SRL: variants seen among roughly 807,000 people sequenced by gnomAD.
SRL encodes the protein sarcalumenin.
Under a neutral mutation model 39.5 loss-of-function variants are expected in SRL, and 23 were observed. The ratio of observed to expected loss-of-function variants is 0.58; its 90% CI spans 0.42 to 0.82. SRL has a LOEUF of 0.82. Ranked by LOEUF, SRL falls within the 40% of genes least tolerant of loss-of-function variation. The pLI, the probability that SRL is intolerant of heterozygous loss-of-function variation, is 0.00. For missense variants in SRL, 592 were observed against 607.8 expected, an observed-to-expected ratio of 0.97 and a Z score of 0.27; for synonymous variants, 272 against 237.4, an observed-to-expected ratio of 1.15 and a Z score of -1.34.
chr16:4,227,097 G>A (rs2052601177), intron 1 of SRL, among the ~76,000 whole-genome samples: 1 of 149,046 alleles, frequency 6.7e-6, no homozygotes, highest in Non-Finnish European at 1.5e-5. Flanking sequence ...ACAGATGGAT[G>A]GATGGATAAA....
chr16:4,209,284 G>GA (rs2052363874), intron 1 of SRL, among the ~76,000 whole-genome samples: 1 of 151,284 alleles, frequency 6.6e-6, no homozygotes, highest in Admixed American at 6.6e-5. Flanking sequence ...AAAAAAAAAA[G>GA]AAAAAAGAAA....
intron 5 of SRL, among the ~76,000 whole-genome samples, chr16:4,194,237 A>G (rs940434378): frequency 1.3e-5 from 2 of 152,186 alleles, no homozygotes; most frequent in Non-Finnish European, 2.9e-5. Flanking sequence ...CTGTTGCACA[A>G]CCATCATGGC....
chr16:4,197,864 A>G lies in SRL; in HGVS notation c.311T>C (p.Val104Ala). The G allele has an allele frequency of 1.2e-6, 2 of 1,614,190 alleles. No homozygotes were observed. The highest frequency in any genetic ancestry group is 1.7e-6 in the Non-Finnish European group (2 of 1,180,008). ...PMVLFLGPWS[V>A]GKSTMINYLL... is the part of the protein sequence containing the mutation. ...GTAGTTTATCATGGTAGATTTACCAACACTCCACGGTCCCAGGAACAGTAC... is the reference window on the plus strand; with the variant it reads ...GTAGTTTATCATGGTAGATTTACCAGCACTCCACGGTCCCAGGAACAGTAC... The change falls in exon 4 of 6, where the codon GTT becomes GCT. Residue 104 changes from valine to alanine, a missense_variant. Transcript: ENST00000399609.
At position 4,211,786 on chromosome 16, in the gene SRL, G is replaced by A. The variant is rs1265031588; in HGVS notation, c.62-7152C>T. ...TGATGATGATGGTGGTGACTATGCTGATGATGAGGATCGTGATGATGATGA... is the reference window on the plus strand; with the variant it reads ...TGATGATGATGGTGGTGACTATGCTAATGATGAGGATCGTGATGATGATGA... On this transcript the variant is annotated intron_variant, in intron 1 of 5. Transcript: ENST00000399609. Among the ~76,000 whole-genome samples, 119 of 151,344 alleles carry A rather than the reference G, an allele frequency of 7.9e-4. 2 individuals are homozygous for A. Among genetic ancestry groups the A allele is most frequent in the Middle Eastern group, 6.8e-3 (2 of 294 alleles).
chr16:4,225,634 C>G (rs1361482528), intron 1 of SRL, among the ~76,000 whole-genome samples: 2 of 152,086 alleles, frequency 1.3e-5, no homozygotes, highest in African/African-American at 4.8e-5. Context: ...AGTTGTTTAC[C>G]TTTAAAATAT....
chr16:4,200,073 C>T (rs1047115030), intron 3 of SRL, among the ~76,000 whole-genome samples: 2 of 152,186 alleles, frequency 1.3e-5, no homozygotes, highest in Non-Finnish European at 1.5e-5. Context: ...CTTCCTTCTC[C>T]GAGGCTAAAG....
rs561987718 is a variant in SRL at position 4,195,888 on chromosome 16, A to G, written c.377-102T>C. 2.8e-4 allele frequency: 261 copies of G among 943,688 alleles called. 1 individual carries two copies. The highest frequency in any genetic ancestry group is 1.9e-3 in the South Asian group (120 of 61,586). 58.5% of individuals were successfully genotyped at this position (943,688 alleles called of 1,614,324 possible). A position where few individuals can be genotyped will look rare whatever the true frequency, so the allele number is the denominator to read the frequency against. On this transcript the variant is annotated intron_variant, in intron 4 of 5. Coordinates refer to ENST00000399609, the MANE Select transcript of SRL (RefSeq NM_001098814.2). ...CTGGTGTCACAGGGAGACTTTTGCA[A>G]CAGAATTGGATATGTTTGCCAAGCT...
chr16:4,192,608 C>T lies in SRL; in HGVS notation c.967G>A (p.Glu323Lys), dbSNP rs373144625. The T allele has an allele frequency of 2.5e-5, 41 of 1,614,144 alleles. No homozygotes were observed. The African/African-American group carries it at 3.5e-4, about 14-fold the overall frequency. ...GCAATCTTGTTCTCCAGTCTGTTCTCGATCACCTGATTCAGGTCTTCTAGG... is the reference window on the plus strand; with the variant it reads ...GCAATCTTGTTCTCCAGTCTGTTCTTGATCACCTGATTCAGGTCTTCTAGG... ...SLLEDLNQVI[E>K]NRLENKIAFI... The change falls in exon 6 of 6, where the codon GAG becomes AAG. Residue 323 changes from glutamate (E) to lysine (K), a missense_variant. Physicochemically the swap from Glu to Lys is moderately conservative, Grantham distance 56. Coordinates refer to ENST00000399609, the MANE Select transcript of SRL (RefSeq NM_001098814.2). This position sits in a 1 kb window ranked among gnomAD's most constrained non-coding sequence, Gnocchi z 4.0.
At chr16:4,218,956 C>T (rs375170495) in intron 1 of SRL, among the ~76,000 whole-genome samples, 1 of 152,272 alleles carries the variant, frequency 6.6e-6, no homozygotes, top group African/African-American at 2.4e-5. Context: ...GATTTTTCAA[C>T]CTTCTTTCCC....
At chr16:4,196,525 AGGCTGGAGTGCAGT>A (rs553711909) in intron 4 of SRL, among the ~76,000 whole-genome samples, 88 of 131,142 alleles carry the variant, frequency 6.7e-4, no homozygotes, top group African/African-American at 2.5e-3. Flanking sequence ...TCTATCGCCC[AGGCTGGAGTGCAGT>A]GGCATGATCT....
At position 4,192,111 on chromosome 16, in the gene SRL, C is replaced by A. The variant is rs765610400; in HGVS notation, c.*42G>T. 13 of 1,518,960 alleles carry A rather than the reference C, an allele frequency of 8.6e-6. No homozygotes were observed. Among genetic ancestry groups the A allele is most frequent in the Non-Finnish European group, 1.1e-5 (13 of 1,134,510 alleles). 94.1% of individuals were successfully genotyped at this position (1,518,960 alleles called of 1,614,324 possible). A position where few individuals can be genotyped will look rare whatever the true frequency, so the allele number is the denominator to read the frequency against. Reference sequence around the variant, plus strand: ...CAGGACCTCTCAGACAGTTAGGACACAAGCTGATTCACCAACAGGAACCCA... The same window carrying A: ...CAGGACCTCTCAGACAGTTAGGACAAAAGCTGATTCACCAACAGGAACCCA... On this transcript the variant is annotated 3_prime_UTR_variant, in exon 6 of 6. Coordinates refer to ENST00000399609, the MANE Select transcript of SRL (RefSeq NM_001098814.2). The surrounding 1 kb of genome is among the most constrained non-coding windows in gnomAD (Gnocchi z 4.0).
At chr16:4,238,716 A>T (rs970979864) in intron 1 of SRL, among the ~76,000 whole-genome samples, 1 of 150,096 alleles carries the variant, frequency 6.7e-6, no homozygotes, top group African/African-American at 2.5e-5. Context: ...CTGACCACCC[A>T]GGTTCATGTG....
At chr16:4,230,525 C>T (rs550646450) in intron 1 of SRL, among the ~76,000 whole-genome samples, 27 of 151,788 alleles carry the variant, frequency 1.8e-4, no homozygotes, top group African/African-American at 5.8e-4. Context: ...GGATTACAGG[C>T]GGGCACCACT....
intron 1 of SRL, among the ~76,000 whole-genome samples, chr16:4,240,065 C>CTGCAG: frequency 6.6e-6 from 1 of 152,316 alleles, no homozygotes; most frequent in South Asian, 2.1e-4. Context: ...CCCACCACCC[C>CTGCAG]AGCCAGAGCT....
At chr16:4,223,229 C>T (rs1353990186) in intron 1 of SRL, among the ~76,000 whole-genome samples, 2 of 87,044 alleles carry the variant, frequency 2.3e-5, no homozygotes, top group African/African-American at 1.5e-4. Flanking sequence ...AAAACTCTGT[C>T]TCAAAAAAAA....
intron 1 of SRL, among the ~76,000 whole-genome samples, chr16:4,228,520 G>A (rs992325031): frequency 1.3e-5 from 2 of 152,070 alleles, no homozygotes; most frequent in East Asian, 3.9e-4. Context: ...CGGATCACTA[G>A]GTCAGGAGAT....
At chr16:4,198,818 A>G (rs924081156) in intron 3 of SRL, among the ~76,000 whole-genome samples, 3 of 152,170 alleles carry the variant, frequency 2.0e-5, no homozygotes, top group Admixed American at 2.0e-4. Flanking sequence ...AAACCAAACA[A>G]TGAACTGGCA....
chr16:4,197,438 T>TTTTTTTTGTG (rs2052164426), intron 4 of SRL, among the ~76,000 whole-genome samples: 1 of 137,516 alleles, frequency 7.3e-6, no homozygotes, highest in Non-Finnish European at 1.6e-5. Flanking sequence ...TTTTTTTTTT[T>TTTTTTTTGTG]TGAGACGGAG....
intron 2 of SRL, among the ~76,000 whole-genome samples, chr16:4,203,603 C>T (rs1385828038): frequency 6.6e-6 from 1 of 152,106 alleles, no homozygotes; most frequent in East Asian, 1.9e-4. Context: ...CTCACTGCAG[C>T]CTCTAACTCC....
Sources: allele counts gnomAD v4.1 joint callset (sites outside exome capture counted in the v4.1 genomes callset), GRCh38; gene constraint gnomAD v4.1.1; non-coding constraint Gnocchi (gnomAD v3.1); transcripts MANE v1.5; gene names NCBI Gene and HGNC (gene_info 2026-07-23, HGNC 2026-07-21).